Variants in C6 observed in about 807,000 individuals in gnomAD.
C6 encodes complement component C6.
A neutral mutation model predicts 112.9 loss-of-function variants in C6; 101 were observed. The observed-to-expected ratio is 0.89, with a 90% CI of 0.76 to 1.06. C6 has a LOEUF of 1.06. C6 is among the 50% of genes least tolerant of loss of function. The pLI is 0.00. For missense variants in C6, 1,202 were observed against 1,104.6 expected, an observed-to-expected ratio of 1.09 and a Z score of -1.25; for synonymous variants, 431 against 384.1, an observed-to-expected ratio of 1.12 and a Z score of -1.43.
rs1312229985 is a variant in C6, at chr5:41,199,763, A to G, written c.445+5T>C. 2 of 1,613,454 alleles carry G rather than the reference A, an allele frequency of 1.2e-6. No individual in the cohort carries two copies. The highest frequency in any genetic ancestry group is 1.7e-6 in the Non-Finnish European group (2 of 1,179,556). The stretch of plus-strand genomic sequence containing the variant: ...GGGACTGAACATTTCACAAAAATAC[A>G]TTACCACTGTCACAGCGAAATTTAT... On this transcript the variant is annotated splice_donor_5th_base_variant and intron_variant, in intron 4 of 17. Coordinates refer to ENST00000337836, the MANE Select transcript of C6 (RefSeq NM_000065.5).
intron 1 of C6, among the ~76,000 whole-genome samples, chr5:41,251,498 C>T (rs577642617): frequency 2.6e-5 from 4 of 152,298 alleles, no homozygotes; most frequent in African/African-American, 9.6e-5. Context: ...ACCCTGTAGT[C>T]ATGACCAAAG....
At chr5:41,250,509 T>C (rs563352920) in intron 1 of C6, among the ~76,000 whole-genome samples, 161 of 152,354 alleles carry the variant, frequency 1.1e-3, no homozygotes, top group African/African-American at 3.8e-3. Context: ...CCATTCATGT[T>C]GGGCCTAGTC....
intron 1 of C6, among the ~76,000 whole-genome samples, chr5:41,212,590 C>T (rs1399247043): frequency 6.6e-6 from 1 of 152,090 alleles, no homozygotes; most frequent in East Asian, 1.9e-4. Context: ...TCTAAAATTA[C>T]ACACAGGCAT....
chr5:41,148,010 A>G (rs933708724), intron 17 of C6, among the ~76,000 whole-genome samples: 3 of 152,232 alleles, frequency 2.0e-5, no homozygotes, highest in African/African-American at 4.8e-5. Flanking sequence ...TAGGAAATAT[A>G]ATATGGCAAA....
At chr5:41,174,184 T>A (rs1372205844) in intron 8 of C6, among the ~76,000 whole-genome samples, 3 of 152,220 alleles carry the variant, frequency 2.0e-5, no homozygotes, top group African/African-American at 7.2e-5. Context: ...CATGCAGTGA[T>A]TAAAATATCT....
At position 41,148,024 on chromosome 5, in the gene C6, A is replaced by G. The variant is rs189230441; in HGVS notation, c.2623+1217T>C. 2.3e-3 allele frequency among the ~76,000 whole-genome samples: 348 copies of G among 152,326 alleles called. 1 individual carries two copies. The highest frequency in any genetic ancestry group is 0.02 in the Middle Eastern group (6 of 294). On this transcript the variant is annotated intron_variant, in intron 17 of 17. Transcript: ENST00000337836. ...CTAGGAAATATAATATGGCAAAAAC[A>G]TTTCTGGATAGGCAGCCAACATATT...
intron 7 of C6, 66 bp from the exon 8 acceptor site, chr5:41,176,781 A>C (rs1748893903): frequency 7.1e-7 from 1 of 1,401,064 alleles, no homozygotes; most frequent in Admixed American, 1.8e-5. Flanking sequence ...CTAGCATTTA[A>C]ATGTCATTGA....
chr5:41,235,439 G>T (rs899781003), intron 1 of C6, among the ~76,000 whole-genome samples: 1 of 142,466 alleles, frequency 7.0e-6, no homozygotes, highest in East Asian at 2.2e-4. Flanking sequence ...GTATTCCATG[G>T]TGTATATGTG....
At chr5:41,164,615 A>T (rs921550024) in intron 9 of C6, among the ~76,000 whole-genome samples, 1 of 152,158 alleles carries the variant, frequency 6.6e-6, no homozygotes, top group Non-Finnish European at 1.5e-5. Flanking sequence ...ATGATTCAGG[A>T]ATATTAGCAG....
intron 1 of C6, among the ~76,000 whole-genome samples, chr5:41,230,794 G>A (rs1739851700): frequency 6.6e-6 from 1 of 152,116 alleles, no homozygotes; most frequent in Non-Finnish European, 1.5e-5. Context: ...TCACCCTGGA[G>A]GCCCAGCTGT....
intron 1 of C6, among the ~76,000 whole-genome samples, chr5:41,208,663 A>T (rs1365112450): frequency 2.6e-5 from 4 of 152,174 alleles, no homozygotes; most frequent in African/African-American, 9.6e-5. Context: ...CTCTCAAGAC[A>T]AAACCAGGAA....
Position 41,200,891 on chromosome 5 carries a change from G to GTTTTTTTTTTTTT in C6, c.300+654_300+666dup, listed in dbSNP as rs143443464. Among the ~76,000 whole-genome samples the GTTTTTTTTTTTTT allele has an allele frequency of 1.0e-3, 71 of 70,652 alleles. 2 individuals carry two copies. The highest frequency in any genetic ancestry group is 1.1e-3 in the Non-Finnish European group (44 of 40,870). 46.4% of individuals were successfully genotyped at this position (70,652 alleles called of 152,430 possible). A position where few individuals can be genotyped will look rare whatever the true frequency, so the allele number is the denominator to read the frequency against. On this transcript the variant is annotated intron_variant, in intron 3 of 17. Coordinates refer to ENST00000337836, the MANE Select transcript of C6 (RefSeq NM_000065.5). ...TGTTTTTGTTGTTGTTGTTGTTGTT[G>GTTTTTTTTTTTTT]TTTTTTTTTTTTTTTTTTTTTTTTT... is the stretch of plus-strand genomic sequence containing the variant.
chr5:41,181,287 C>T (rs1278193089), intron 7 of C6, 72 bp downstream of exon 7: 6 of 1,367,256 alleles, frequency 4.4e-6, no homozygotes, highest in Admixed American at 3.4e-5. Context: ...CTCTCCCCTT[C>T]TTATTGCATG....
chr5:41,165,902 T>G (rs1482556869), intron 9 of C6, among the ~76,000 whole-genome samples: 1 of 152,132 alleles, frequency 6.6e-6, no homozygotes. Flanking sequence ...ACTTAATACA[T>G]CACAGCATGA....
At chr5:41,241,336 A>T (rs893154532) in intron 1 of C6, among the ~76,000 whole-genome samples, 3 of 152,178 alleles carry the variant, frequency 2.0e-5, no homozygotes, top group African/African-American at 4.8e-5. Context: ...TAACAATAAA[A>T]TTTTATGAGC....
At chr5:41,162,127 C>A (rs1186787999) in intron 9 of C6, among the ~76,000 whole-genome samples, 1 of 152,178 alleles carries the variant, frequency 6.6e-6, no homozygotes, top group South Asian at 2.1e-4. Flanking sequence ...ATATAATTCT[C>A]ATGACAACCC....
chr5:41,179,627 A>G (rs1321955139), intron 7 of C6, among the ~76,000 whole-genome samples: 1 of 150,150 alleles, frequency 6.7e-6, no homozygotes, highest in Non-Finnish European at 1.5e-5. Flanking sequence ...GGAGGGCTCT[A>G]TAGGACCCAC....
At chr5:41,217,081 CT>C (rs1455509822), upstream of C6, among the ~76,000 whole-genome samples, 3 of 152,064 alleles carry the variant, frequency 2.0e-5, no homozygotes, top group Non-Finnish European at 4.4e-5. Flanking sequence ...TCCCTTGAAA[CT>C]TTTTCTTCCC....
At chr5:41,236,965 T>C (rs1410903098) in intron 1 of C6, among the ~76,000 whole-genome samples, 1 of 151,652 alleles carries the variant, frequency 6.6e-6, no homozygotes, top group Non-Finnish European at 1.5e-5. Flanking sequence ...GCAAATAAAC[T>C]AGAAAATCTA....
Sources: gnomAD v4.1 joint callset for allele counts (sites outside exome capture counted in the v4.1 genomes callset) on GRCh38, gnomAD v4.1.1 for gene constraint, MANE v1.5 for transcripts, NCBI Gene and HGNC (gene_info 2026-07-23, HGNC 2026-07-21) for gene names.